Variants in ZBTB20 observed in about 807,000 individuals in gnomAD.
ZBTB20 encodes zinc finger and BTB domain containing 20, also known as zinc finger and BTB domain-containing protein 20.
Under a neutral mutation model 56.9 loss-of-function variants are expected in ZBTB20, and 9 were observed. The observed-to-expected ratio is 0.16, with a 90% CI of 0.10 to 0.28. The LOEUF is 0.28. ZBTB20 is among the 10% of genes least tolerant of loss of function. The pLI is 1.00. For missense variants in ZBTB20, 655 were observed against 1,003.0 expected, an observed-to-expected ratio of 0.65 and a Z score of 4.69; for synonymous variants, 417 against 420.7, an observed-to-expected ratio of 0.99 and a Z score of 0.11.
At chr3:114,415,745 T>C (rs181962663) in intron 7 of ZBTB20, among the ~76,000 whole-genome samples, 227 of 152,182 alleles carry the variant, frequency 1.5e-3, no homozygotes, top group Admixed American at 3.7e-3. Context: ...TTGATACTAA[T>C]GCATCTGAAC....
chr3:114,860,217 G>C (rs1450307002), intron 4 of ZBTB20, among the ~76,000 whole-genome samples: 2 of 151,906 alleles, frequency 1.3e-5, no homozygotes, highest in Admixed American at 6.6e-5. Context: ...TGAGGCAGGG[G>C]AATCGCTTGA....
At chr3:114,784,801 A>T (rs1256271794) in intron 5 of ZBTB20, among the ~76,000 whole-genome samples, 2 of 152,194 alleles carry the variant, frequency 1.3e-5, no homozygotes, top group Non-Finnish European at 2.9e-5. Context: ...ATGAGACTGG[A>T]TCAGATGTGA....
intron 3 of ZBTB20, among the ~76,000 whole-genome samples, chr3:114,946,121 T>C (rs980656114): frequency 1.4e-5 from 2 of 145,482 alleles, no homozygotes; most frequent in Admixed American, 1.3e-4. Flanking sequence ...AAAAAGTTGG[T>C]AGATAAATAA....
chr3:114,814,134 G>A (rs2108890490), intron 4 of ZBTB20, among the ~76,000 whole-genome samples: 1 of 151,798 alleles, frequency 6.6e-6, no homozygotes, highest in Admixed American at 6.6e-5. Context: ...ATCTGTAAAT[G>A]TAGGTAAGAT....
At chr3:114,456,431 T>C (rs1559813932) in intron 7 of ZBTB20, among the ~76,000 whole-genome samples, 1 of 152,182 alleles carries the variant, frequency 6.6e-6, no homozygotes, top group Non-Finnish European at 1.5e-5. Flanking sequence ...ATCTGCTATA[T>C]ATCACCAAGT....
chr3:114,738,926 A>T (rs971013347), intron 5 of ZBTB20, among the ~76,000 whole-genome samples: 4 of 152,224 alleles, frequency 2.6e-5, no homozygotes, highest in Non-Finnish European at 4.4e-5. Context: ...AAACCACATA[A>T]GCTGGATGCT....
At chr3:114,648,756 C>T (rs539286662) in intron 6 of ZBTB20, among the ~76,000 whole-genome samples, 77 of 151,944 alleles carry the variant, frequency 5.1e-4, no homozygotes, top group Non-Finnish European at 1.0e-3. Context: ...CAAAGTATAG[C>T]AGAGGAAGAT....
chr3:114,542,616 T>C (rs1173782204), intron 6 of ZBTB20, among the ~76,000 whole-genome samples: 1 of 152,148 alleles, frequency 6.6e-6, no homozygotes, highest in Non-Finnish European at 1.5e-5. Flanking sequence ...CTAAGTTACC[T>C]TGTGTAATGA....
chr3:114,620,535 G>A (rs184651946), intron 6 of ZBTB20, among the ~76,000 whole-genome samples: 23 of 152,102 alleles, frequency 1.5e-4, no homozygotes, highest in Non-Finnish European at 3.1e-4. Flanking sequence ...CAGGTGATCC[G>A]CCCGCCTCGG....
intron 5 of ZBTB20, among the ~76,000 whole-genome samples, chr3:114,720,813 C>G (rs1428985801): frequency 2.0e-5 from 3 of 152,022 alleles, no homozygotes; most frequent in Non-Finnish European, 4.4e-5. Context: ...CTGACCTGTG[C>G]CTGACATATT....
intron 4 of ZBTB20, among the ~76,000 whole-genome samples, chr3:114,863,471 G>C (rs1050249072): frequency 6.6e-6 from 1 of 152,062 alleles, no homozygotes; most frequent in Non-Finnish European, 1.5e-5. Context: ...CAAAGTATTA[G>C]AAGATAAATT....
At chr3:114,818,784 G>A (rs1204395335) in intron 4 of ZBTB20, among the ~76,000 whole-genome samples, 1 of 151,618 alleles carries the variant, frequency 6.6e-6, no homozygotes. Flanking sequence ...CAAGAAATAT[G>A]CCCTCTACCA....
chr3:115,072,880 G>C (rs924603119), intron 1 of ZBTB20, among the ~76,000 whole-genome samples: 1 of 152,138 alleles, frequency 6.6e-6, no homozygotes, highest in Non-Finnish European at 1.5e-5. Context: ...AACCAGATGC[G>C]TGACTTTGTG....
intron 6 of ZBTB20, among the ~76,000 whole-genome samples, chr3:114,643,303 C>A (rs951759215): frequency 1.3e-5 from 2 of 152,020 alleles, no homozygotes; most frequent in African/African-American, 4.8e-5. Flanking sequence ...CTTTGTTGTG[C>A]TGATGACTTC....
At chr3:115,025,665 G>A (rs986911384) in intron 2 of ZBTB20, among the ~76,000 whole-genome samples, 2 of 150,584 alleles carry the variant, frequency 1.3e-5, no homozygotes, top group Non-Finnish European at 3.0e-5. Flanking sequence ...AAAAAAATTA[G>A]TATCTGTGGA....
intron 2 of ZBTB20, among the ~76,000 whole-genome samples, chr3:114,989,694 G>C (rs2078714291): frequency 6.6e-6 from 1 of 152,174 alleles, no homozygotes; most frequent in Admixed American, 6.6e-5. Flanking sequence ...ACGCAGGACA[G>C]TATGGCCATT....
chr3:114,581,173 A>G (rs2054601594), intron 6 of ZBTB20, among the ~76,000 whole-genome samples: 1 of 152,046 alleles, frequency 6.6e-6, no homozygotes, highest in Non-Finnish European at 1.5e-5. Flanking sequence ...GTTAATAAAG[A>G]ATGACTAATT....
intron 5 of ZBTB20, among the ~76,000 whole-genome samples, chr3:114,700,750 G>A (rs569579261): frequency 3.7e-4 from 56 of 152,266 alleles, no homozygotes; most frequent in Non-Finnish European, 6.9e-4. Flanking sequence ...CTCTGAGGAG[G>A]TTAAAAGAGT....
intron 5 of ZBTB20, among the ~76,000 whole-genome samples, chr3:114,723,086 ATCTG>A (rs777425867): frequency 6.6e-6 from 1 of 152,160 alleles, no homozygotes; most frequent in African/African-American, 2.4e-5. Flanking sequence ...GTGTCCCCAA[ATCTG>A]TCTAACTTGC....
Sources: gnomAD v4.1 joint callset for allele counts (sites outside exome capture counted in the v4.1 genomes callset) on GRCh38, gnomAD v4.1.1 for gene constraint, MANE v1.5 for transcripts, NCBI Gene and HGNC (gene_info 2026-07-23, HGNC 2026-07-21) for gene names.